MMP26: variants seen among roughly 807,000 people sequenced by gnomAD.
The protein encoded by MMP26 is matrix metalloproteinase-26.
In MMP26, 33 loss-of-function variants were observed where a neutral mutation model predicts 31.0. That is an observed-to-expected ratio of 1.06 (90% CI 0.81 to 1.42). MMP26 has a LOEUF of 1.42. Ranked by LOEUF, MMP26 falls within the 40% of genes most tolerant of loss-of-function variation. The pLI, the probability that MMP26 is intolerant of heterozygous loss-of-function variation, is 0.00. For missense variants in MMP26, 347 were observed against 316.1 expected (o/e 1.10, Z -0.74); for synonymous variants, 122 against 114.9 (o/e 1.06, Z -0.40).
chr11:4,717,242 A>G (rs544951933), intron 1 of MMP26, among the ~76,000 whole-genome samples: 2 of 152,088 alleles, frequency 1.3e-5, no homozygotes, highest in Admixed American at 1.3e-4. Context: ...TTATTTCCTT[A>G]TGATCCTCAG....
chr11:4,946,451 A>G, intron 2 of MMP26: 2 of 1,609,522 alleles, frequency 1.2e-6, no homozygotes, highest in Non-Finnish European at 1.7e-6. Context: ...GGTGTAAGAC[A>G]CAGCAATGAG....
intron 2 of MMP26, among the ~76,000 whole-genome samples, chr11:4,951,048 G>A (rs11034864): frequency 0.35 from 43,377 of 122,350 alleles, 14,832 homozygotes; most frequent in Middle Eastern, 0.54. Flanking sequence ...CCTGTTTCAA[G>A]CAAACACATT....
intron 1 of MMP26, among the ~76,000 whole-genome samples, chr11:4,714,377 C>T (rs1847898411): frequency 6.6e-6 from 1 of 152,152 alleles, no homozygotes; most frequent in South Asian, 2.1e-4. Context: ...TTTTAAGTTT[C>T]CTGGTTAGTT....
intron 2 of MMP26, chr11:4,821,716 T>C (rs866310871): frequency 6.2e-7 from 1 of 1,614,060 alleles, no homozygotes; most frequent in Non-Finnish European, 8.5e-7. Context: ...CCTAAATGCC[T>C]GCATTGCCCA....
intron 1 of MMP26, among the ~76,000 whole-genome samples, chr11:4,724,456 C>G (rs1222588602): frequency 6.6e-6 from 1 of 152,142 alleles, no homozygotes; most frequent in Non-Finnish European, 1.5e-5. Flanking sequence ...AGGAGAGAGG[C>G]TTCAGTTCTG....
intron 2 of MMP26, among the ~76,000 whole-genome samples, chr11:4,827,636 ATTG>A (rs891365769): frequency 6.6e-6 from 1 of 151,986 alleles, no homozygotes; most frequent in Non-Finnish European, 1.5e-5. Flanking sequence ...TAATAATAAT[ATTG>A]TTATTATTTA....
At chr11:4,801,799 G>A (rs369874558) in intron 2 of MMP26, among the ~76,000 whole-genome samples, 1 of 151,914 alleles carries the variant, frequency 6.6e-6, no homozygotes, top group African/African-American at 2.4e-5. Context: ...CTCGGCTCCC[G>A]AAGTGCTGGG....
At chr11:4,829,228 G>C (rs760789076) in intron 2 of MMP26, among the ~76,000 whole-genome samples, 1 of 152,154 alleles carries the variant, frequency 6.6e-6, no homozygotes, top group African/African-American at 2.4e-5. Context: ...CTTCAGCGGT[G>C]TTAAGCCAAC....
At chr11:4,822,779 G>T (rs1342655999) in intron 2 of MMP26, among the ~76,000 whole-genome samples, 1 of 152,016 alleles carries the variant, frequency 6.6e-6, no homozygotes. Flanking sequence ...TTATATATGC[G>T]ATTCCAAAAT....
intron 2 of MMP26, among the ~76,000 whole-genome samples, chr11:4,809,131 C>T (rs770428214): frequency 3.3e-5 from 5 of 152,054 alleles, no homozygotes; most frequent in Non-Finnish European, 5.9e-5. Context: ...CATATAATTT[C>T]TCTTCTTCCC....
At chr11:4,874,035 AT>A (rs1850346354) in intron 2 of MMP26, among the ~76,000 whole-genome samples, 1 of 151,952 alleles carries the variant, frequency 6.6e-6, no homozygotes, top group Non-Finnish European at 1.5e-5. Flanking sequence ...CAGACCCATT[AT>A]TTTTCAAGAG....
At chr11:4,917,403 T>C (rs765556168) in intron 2 of MMP26, among the ~76,000 whole-genome samples, 6 of 152,240 alleles carry the variant, frequency 3.9e-5, no homozygotes, top group Non-Finnish European at 7.3e-5. Flanking sequence ...TCTTGCCATA[T>C]AGATAATAAT....
chr11:4,797,039 G>GCTTTCAT (rs1849117046), intron 2 of MMP26, among the ~76,000 whole-genome samples: 1 of 151,814 alleles, frequency 6.6e-6, no homozygotes, highest in Non-Finnish European at 1.5e-5. Flanking sequence ...TTAGAACACA[G>GCTTTCAT]CTTTCATCAT....
intron 2 of MMP26, among the ~76,000 whole-genome samples, chr11:4,982,191 CA>C (rs1348168466): frequency 5.3e-5 from 8 of 151,728 alleles, no homozygotes; most frequent in Non-Finnish European, 1.5e-5. Flanking sequence ...ATACATACAC[CA>C]ATAACAGTTG....
In MMP26 at chr11:4,765,391, G is replaced by A. The variant is rs73397014; in HGVS notation, c.-216-1879G>A. On this transcript the variant is annotated intron_variant, in intron 1 of 7. Coordinates refer to ENST00000380390, the MANE Select transcript of MMP26 (RefSeq NM_021801.5). ...TCCTTCCTTCTCTCTTTAACTCAAG[G>A]TCAAGCCTACATCAAAGACTGACAG... Among the ~76,000 whole-genome samples, 666 of 152,176 alleles carry A rather than the reference G, an allele frequency of 4.4e-3. 4 individuals are homozygous for A. The highest frequency in any genetic ancestry group is 0.014 in the African/African-American group (594 of 41,514).
intron 2 of MMP26, among the ~76,000 whole-genome samples, chr11:4,951,519 T>G: frequency 8.0e-6 from 1 of 124,876 alleles, no homozygotes. Flanking sequence ...CTGAAGTGAT[T>G]CTGCCATTAT....
intron 1 of MMP26, among the ~76,000 whole-genome samples, chr11:4,705,432 C>T (rs570767180): frequency 6.6e-6 from 1 of 152,250 alleles, no homozygotes; most frequent in Admixed American, 6.5e-5. Flanking sequence ...TGCTTTCTCA[C>T]CCATAAAGGG....
chr11:4,712,677 T>C (rs981625732), intron 1 of MMP26, among the ~76,000 whole-genome samples: 1 of 152,128 alleles, frequency 6.6e-6, no homozygotes. Context: ...AATAATGTAA[T>C]TTATGAAGTG....
chr11:4,849,508 T>C (rs1849943208), intron 2 of MMP26, among the ~76,000 whole-genome samples: 1 of 152,214 alleles, frequency 6.6e-6, no homozygotes, highest in African/African-American at 2.4e-5. Context: ...CCTCTCCCTG[T>C]AGTGTTATCC....
Sources: allele counts gnomAD v4.1 joint callset (sites outside exome capture counted in the v4.1 genomes callset), GRCh38; gene constraint gnomAD v4.1.1; transcripts MANE v1.5; gene names NCBI Gene and HGNC (gene_info 2026-07-23, HGNC 2026-07-21).